ARHGAP15: variants seen among roughly 807,000 people sequenced by gnomAD.
ARHGAP15 encodes Rho GTPase activating protein 15.
Under a neutral mutation model 63.7 loss-of-function variants are expected in ARHGAP15, and 51 were observed. That is an observed-to-expected ratio of 0.80 (90% CI 0.64 to 1.01). ARHGAP15 has a LOEUF of 1.01. ARHGAP15 is among the 50% of genes least tolerant of loss of function. The pLI, the probability that ARHGAP15 is intolerant of heterozygous loss-of-function variation, is 0.00. For missense variants in ARHGAP15, 560 were observed against 564.6 expected (o/e 0.99, Z 0.08); for synonymous variants, 191 against 193.8 (o/e 0.99, Z 0.12).
intron 12 of ARHGAP15, among the ~76,000 whole-genome samples, chr2:143,678,248 G>A (rs1682924259): frequency 6.6e-6 from 1 of 152,124 alleles, no homozygotes; most frequent in South Asian, 2.1e-4. Flanking sequence ...AGAACCAAAA[G>A]AGGAAGAATA....
At chr2:143,569,435 G>T (rs1696367313) in intron 11 of ARHGAP15, among the ~76,000 whole-genome samples, 1 of 152,172 alleles carries the variant, frequency 6.6e-6, no homozygotes, top group Non-Finnish European at 1.5e-5. Context: ...GATGACCTGA[G>T]AAGGTCTCTT....
At chr2:143,380,423 G>C (rs1451913679) in intron 6 of ARHGAP15, among the ~76,000 whole-genome samples, 3 of 152,130 alleles carry the variant, frequency 2.0e-5, no homozygotes, top group Non-Finnish European at 2.9e-5. Context: ...TGTAAGTCCA[G>C]TTTGTTAGAG....
Position 143,713,356 on chromosome 2 carries a change from C to T in ARHGAP15, c.1244+9832C>T, listed in dbSNP as rs575143996. ...CAAGAATAGCACGGGAATGACCAGC[C>T]CCCATGATCCAATTACCTCCCGCTG... On this transcript the variant is annotated intron_variant, in intron 13 of 13. Coordinates refer to ENST00000295095, the MANE Select transcript of ARHGAP15 (RefSeq NM_018460.4). Among the ~76,000 whole-genome samples the T allele has an allele frequency of 1.5e-3, 227 of 152,240 alleles. 2 individuals carry two copies. Among genetic ancestry groups the T allele is most frequent in the African/African-American group, 5.3e-3 (220 of 41,538 alleles).
chr2:143,501,055 A>C (rs1292726461), intron 9 of ARHGAP15, among the ~76,000 whole-genome samples: 1 of 152,196 alleles, frequency 6.6e-6, no homozygotes, highest in Non-Finnish European at 1.5e-5. Context: ...GAGCTGAAAG[A>C]GGCCTGGTCT....
chr2:143,235,274 G>A (rs1341206416), intron 5 of ARHGAP15, among the ~76,000 whole-genome samples: 1 of 139,740 alleles, frequency 7.2e-6, no homozygotes, highest in Non-Finnish European at 1.5e-5. Flanking sequence ...AGATTTTGAA[G>A]AAGGCGAGCT....
intron 6 of ARHGAP15, among the ~76,000 whole-genome samples, chr2:143,296,856 C>G (rs957576009): frequency 1.3e-5 from 2 of 151,800 alleles, no homozygotes; most frequent in Admixed American, 6.6e-5. Context: ...TCTGCTGTTT[C>G]CTTCTTTGTG....
intron 10 of ARHGAP15, among the ~76,000 whole-genome samples, chr2:143,539,407 C>G (rs915585939): frequency 1.0e-3 from 152 of 152,116 alleles, no homozygotes; most frequent in Non-Finnish European, 1.7e-3. Flanking sequence ...TTAGTTATTT[C>G]TTGCCTTCTG....
intron 8 of ARHGAP15, among the ~76,000 whole-genome samples, chr2:143,485,749 C>A (rs1692296027): frequency 6.6e-6 from 1 of 152,054 alleles, no homozygotes; most frequent in Non-Finnish European, 1.5e-5. Flanking sequence ...GAGGACAGGC[C>A]TCTACAACAA....
chr2:143,379,644 T>C (rs1686978956), intron 6 of ARHGAP15, among the ~76,000 whole-genome samples: 1 of 151,860 alleles, frequency 6.6e-6, no homozygotes, highest in Non-Finnish European at 1.5e-5. Context: ...TTTTGTCTTC[T>C]ACAAAGATGT....
chr2:143,413,005 C>T (rs1314913919), intron 6 of ARHGAP15, among the ~76,000 whole-genome samples: 2 of 152,074 alleles, frequency 1.3e-5, no homozygotes, highest in Non-Finnish European at 2.9e-5. Context: ...GCTGCCAAAA[C>T]TTTTCATCTT....
At chr2:143,175,272 C>T (rs1690970053) in intron 2 of ARHGAP15, among the ~76,000 whole-genome samples, 1 of 152,030 alleles carries the variant, frequency 6.6e-6, no homozygotes, top group Non-Finnish European at 1.5e-5. Flanking sequence ...TAGCAGTGCT[C>T]GATGCTATTA....
At chr2:143,575,444 G>A (rs1696640664) in intron 11 of ARHGAP15, among the ~76,000 whole-genome samples, 1 of 152,096 alleles carries the variant, frequency 6.6e-6, no homozygotes, top group Non-Finnish European at 1.5e-5. Context: ...GATTCTGTGA[G>A]GGATAAGGGG....
chr2:143,652,781 A>G (rs1681238749), intron 12 of ARHGAP15, among the ~76,000 whole-genome samples: 1 of 152,080 alleles, frequency 6.6e-6, no homozygotes, highest in South Asian at 2.1e-4. Context: ...CAACATTGCA[A>G]TACTCAATTA....
At chr2:143,330,120 A>AAAC (rs1558897905) in intron 6 of ARHGAP15, among the ~76,000 whole-genome samples, 35 of 88,440 alleles carry the variant, frequency 4.0e-4, no homozygotes, top group African/African-American at 1.5e-3. Context: ...AAAAAAAAAA[A>AAAC]AAAAAAAAAA....
intron 8 of ARHGAP15, among the ~76,000 whole-genome samples, chr2:143,484,844 T>A (rs1692249884): frequency 6.6e-6 from 1 of 152,206 alleles, no homozygotes; most frequent in African/African-American, 2.4e-5. Flanking sequence ...CCCAAGTGAC[T>A]AGTGGCTAGT....
intron 13 of ARHGAP15, among the ~76,000 whole-genome samples, chr2:143,759,518 G>A (rs886399821): frequency 3.0e-4 from 45 of 152,114 alleles, no homozygotes; most frequent in Admixed American, 2.9e-3. Flanking sequence ...TCATTCTCCT[G>A]CTCGAACCCA....
At chr2:143,298,984 C>A (rs894382160) in intron 6 of ARHGAP15, among the ~76,000 whole-genome samples, 1 of 151,896 alleles carries the variant, frequency 6.6e-6, no homozygotes, top group Non-Finnish European at 1.5e-5. Context: ...TTGGGACATA[C>A]TTCTGATAGA....
chr2:143,738,899 A>G (rs1366291187), intron 13 of ARHGAP15, among the ~76,000 whole-genome samples: 2 of 152,200 alleles, frequency 1.3e-5, no homozygotes, highest in Non-Finnish European at 2.9e-5. Context: ...AAACAGCCGT[A>G]ACGAAAACAA....
At chr2:143,722,462 T>C (rs1344181386) in intron 13 of ARHGAP15, among the ~76,000 whole-genome samples, 1 of 151,964 alleles carries the variant, frequency 6.6e-6, no homozygotes, top group Non-Finnish European at 1.5e-5. Flanking sequence ...CAGAAGCACA[T>C]AAGCACCAAT....
Sources: allele counts gnomAD v4.1 joint callset (sites outside exome capture counted in the v4.1 genomes callset), GRCh38; gene constraint gnomAD v4.1.1; transcripts MANE v1.5; gene names NCBI Gene and HGNC (gene_info 2026-07-23, HGNC 2026-07-21).